IL15: variants seen among roughly 807,000 people sequenced by gnomAD.
The protein encoded by IL15 is interleukin-15.
In IL15, 11 loss-of-function variants were observed where a neutral mutation model predicts 19.6. The observed-to-expected ratio is 0.56, with a 90% CI of 0.35 to 0.93. IL15 has a LOEUF of 0.93. Among genes scored for constraint, IL15 ranks in the 40% least tolerant of loss-of-function variants. The pLI is 0.01. For synonymous variants in IL15, 58 were observed against 59.6 expected (o/e 0.97, Z 0.12); for missense variants, 197 against 186.5 (o/e 1.06, Z -0.33).
chr4:141,725,413 T>A (rs73851522), intron 5 of IL15, among the ~76,000 whole-genome samples: 1 of 152,020 alleles, frequency 6.6e-6, no homozygotes, highest in East Asian at 1.9e-4. Flanking sequence ...TACACAGAGA[T>A]AGAAAACCAT....
intron 2 of IL15, chr4:141,714,716 A>T (rs977596412): frequency 6.6e-6 from 1 of 152,158 alleles, no homozygotes. Flanking sequence ...GACTTCTAGA[A>T]TATGATACTC....
At chr4:141,671,206 C>A (rs745704563) in intron 2 of IL15, among the ~76,000 whole-genome samples, 1 of 152,144 alleles carries the variant, frequency 6.6e-6, no homozygotes, top group Admixed American at 6.5e-5. Flanking sequence ...TGTGGGAACA[C>A]TTATTACTTA....
At chr4:141,664,714 C>T (rs933407633) in intron 2 of IL15, among the ~76,000 whole-genome samples, 2 of 152,034 alleles carry the variant, frequency 1.3e-5, no homozygotes, top group Non-Finnish European at 2.9e-5. Context: ...TATAAAGAAA[C>T]TTTCAAGGAA....
chr4:141,690,140 C>T (rs901380868), intron 2 of IL15, among the ~76,000 whole-genome samples: 2 of 152,292 alleles, frequency 1.3e-5, no homozygotes, highest in South Asian at 2.1e-4. Flanking sequence ...CACGGCCAGC[C>T]GTCTGCTCCG....
chr4:141,699,509 C>A (rs906061932), intron 2 of IL15, among the ~76,000 whole-genome samples: 34 of 152,038 alleles, frequency 2.2e-4, no homozygotes, highest in African/African-American at 8.2e-4. Flanking sequence ...TTTGGGAGCT[C>A]CATTGTTAGG....
rs533315470 is a variant in IL15, at chr4:141,699,746, A to G, written c.-99-19620A>G. On this transcript the variant is annotated intron_variant, in intron 2 of 7. Transcript: ENST00000320650. ...GTGTTAGGTGCATCTCTTGAAGACA[A>G]CAGATATTTGGTTAGTGGCTGTTTT... Among the ~76,000 whole-genome samples, 14 of 152,250 alleles carry G rather than the reference A, an allele frequency of 9.2e-5. No individual in the cohort carries two copies. In the South Asian group the frequency reaches 2.7e-3, roughly 29 times the overall value.
chr4:141,681,849 T>C (rs1050315653), intron 2 of IL15, among the ~76,000 whole-genome samples: 6 of 152,204 alleles, frequency 3.9e-5, no homozygotes, highest in African/African-American at 1.4e-4. Flanking sequence ...GCAGAAAGCT[T>C]ATTCTCTCCG....
chr4:141,676,243 C>T (rs918556282), intron 2 of IL15, among the ~76,000 whole-genome samples: 6 of 152,194 alleles, frequency 3.9e-5, no homozygotes, highest in Admixed American at 1.3e-4. Context: ...ATCTATAAAG[C>T]TGCTAATCTA....
rs561805802 is a variant in IL15, at chr4:141,704,316, T to C, written c.-99-15050T>C. 6.4e-4 allele frequency among the ~76,000 whole-genome samples: 98 copies of C among 152,298 alleles called. 2 individuals are homozygous for C. In the South Asian group the frequency reaches 0.02, roughly 31 times the overall value. The stretch of plus-strand genomic sequence containing the variant: ...ATTATCATCTGGATTTTGTTTTTCT[T>C]CCTGTTAATGTGTTGTACCATATTT... On this transcript the variant is annotated intron_variant, in intron 2 of 7. Coordinates refer to ENST00000320650, the MANE Select transcript of IL15 (RefSeq NM_000585.5).
chr4:141,661,998 A>G (rs1727807426), intron 2 of IL15, among the ~76,000 whole-genome samples: 1 of 152,230 alleles, frequency 6.6e-6, no homozygotes, highest in Non-Finnish European at 1.5e-5. Flanking sequence ...TTAATTTTCA[A>G]GCAATTGAAG....
intron 1 of IL15, among the ~76,000 whole-genome samples, chr4:141,648,492 A>G (rs2152154423): frequency 6.6e-6 from 1 of 152,176 alleles, no homozygotes; most frequent in African/African-American, 2.4e-5. Context: ...TTTCAGTAGG[A>G]CAAAAAAGAT....
intron 2 of IL15, among the ~76,000 whole-genome samples, chr4:141,704,414 G>A (rs1386476468): frequency 6.6e-6 from 1 of 151,994 alleles, no homozygotes; most frequent in Non-Finnish European, 1.5e-5. Flanking sequence ...CATACTAAAT[G>A]ATTTTTTTAA....
chr4:141,727,849 T>A, intron 5 of IL15, 91 bp from the exon 6 acceptor site: 1 of 678,618 alleles, frequency 1.5e-6, no homozygotes, highest in Non-Finnish European at 2.6e-6. Context: ...AAAAAAGAAT[T>A]AAAAACAATT....
At chr4:141,702,507 T>G (rs1464587241) in intron 2 of IL15, among the ~76,000 whole-genome samples, 1 of 152,220 alleles carries the variant, frequency 6.6e-6, no homozygotes, top group Non-Finnish European at 1.5e-5. Context: ...AGGCTTAGTG[T>G]GCTGGCTTTC....
chr4:141,730,244 A>G (rs1026553433), intron 7 of IL15, among the ~76,000 whole-genome samples: 12 of 152,308 alleles, frequency 7.9e-5, no homozygotes, highest in African/African-American at 2.9e-4. Context: ...CAAACCAGAC[A>G]GACAGGTCAC....
chr4:141,729,821 T>C, intron 6 of IL15, 26 bp from the exon 7 acceptor site: 1 of 1,331,402 alleles, frequency 7.5e-7, no homozygotes, highest in Non-Finnish European at 1.1e-6. Context: ...AAAAAAGTAA[T>C]TGTTCTTTAT....
intron 2 of IL15, among the ~76,000 whole-genome samples, chr4:141,686,243 C>T (rs139988963): frequency 4.6e-5 from 7 of 151,256 alleles, no homozygotes; most frequent in African/African-American, 1.2e-4. Context: ...TGCAGTAAGC[C>T]GAGATCATGC....
intron 2 of IL15, chr4:141,718,441 G>A (rs1729964185): frequency 1.3e-5 from 2 of 152,046 alleles, no homozygotes; most frequent in African/African-American, 2.4e-5. Context: ...AGAGTGATAA[G>A]GAAGGTTTGC....
chr4:141,720,644 T>C, intron 4 of IL15, 78 bp downstream of exon 4: 1 of 855,656 alleles, frequency 1.2e-6, no homozygotes. Context: ...TCCATTAAAT[T>C]AGTTTACGTT....
Sources: gnomAD v4.1 joint callset for allele counts (sites outside exome capture counted in the v4.1 genomes callset) on GRCh38, gnomAD v4.1.1 for gene constraint, MANE v1.5 for transcripts, NCBI Gene and HGNC (gene_info 2026-07-23, HGNC 2026-07-21) for gene names.